The following DCUN1D3 variants were observed in gnomAD, a reference collection of about 807,000 sequenced individuals.
The protein encoded by DCUN1D3 is DCN1-like protein 3.
DCUN1D3 carries 6 observed loss-of-function variants against 24.8 expected under a neutral mutation model. That is an observed-to-expected ratio of 0.24 (90% CI 0.13 to 0.48). The LOEUF is 0.48. DCUN1D3 is among the 20% of genes least tolerant of loss of function. The probability of loss-of-function intolerance (pLI) is 0.99; values close to 1 mark genes in which losing one functional copy is unlikely to be tolerated. For synonymous variants in DCUN1D3, 120 were observed against 144.9 expected, an observed-to-expected ratio of 0.83 and a Z score of 1.24; for missense variants, 258 against 379.4, an observed-to-expected ratio of 0.68 and a Z score of 2.66.
At position 20,887,465 on chromosome 16, in the gene DCUN1D3, C is replaced by G. The variant is rs927281136; in HGVS notation, c.-106+12739G>C. 4.6e-5 allele frequency among the ~76,000 whole-genome samples: 7 copies of G among 152,182 alleles called. No homozygotes were observed. In the East Asian group the frequency reaches 7.7e-4, roughly 17 times the overall value. Reference sequence around the variant, plus strand: ...GTAACCAAAGCCACACTTTGAGAAACAGTGATTTAGTCCTAAATCCTTTAT... The same window carrying G: ...GTAACCAAAGCCACACTTTGAGAAAGAGTGATTTAGTCCTAAATCCTTTAT... On this transcript the variant is annotated intron_variant, in intron 1 of 2. Coordinates refer to ENST00000324344, the MANE Select transcript of DCUN1D3 (RefSeq NM_173475.4).
chr16:20,862,094 T>C lies in DCUN1D3; in HGVS notation c.431+14A>G, dbSNP rs188647412. On this transcript the variant is annotated intron_variant, in intron 2 of 2. Coordinates refer to ENST00000324344, the MANE Select transcript of DCUN1D3 (RefSeq NM_173475.4). The stretch of plus-strand genomic sequence containing the variant: ...CCACTGCTCACCTGGTGACATAAAG[T>C]GTTTGTGACTAACCTGGTGAATTTG... The C allele has an allele frequency of 5.8e-5, 93 of 1,612,274 alleles. No homozygotes were observed. Among genetic ancestry groups the C allele is most frequent in the East Asian group, 2.5e-4 (11 of 44,870 alleles).
intron 1 of DCUN1D3, among the ~76,000 whole-genome samples, chr16:20,871,108 G>A (rs2081786261): frequency 6.6e-6 from 1 of 152,214 alleles, no homozygotes; most frequent in African/African-American, 2.4e-5. Context: ...ATGCACAGTT[G>A]CTGCTGCCAC....
At chr16:20,861,795 A>G (rs183173833) in intron 2 of DCUN1D3, among the ~76,000 whole-genome samples, 103 of 152,194 alleles carry the variant, frequency 6.8e-4, no homozygotes, top group Non-Finnish European at 1.2e-4. Flanking sequence ...CATAGCGTAC[A>G]CATTAGAACC....
intron 1 of DCUN1D3, among the ~76,000 whole-genome samples, chr16:20,887,943 G>A (rs1393526593): frequency 6.6e-6 from 1 of 152,194 alleles, no homozygotes; most frequent in East Asian, 1.9e-4. Context: ...GTTTCAGGAG[G>A]AAGATTTTCC....
chr16:20,871,248 C>T (rs2081786793), intron 1 of DCUN1D3, among the ~76,000 whole-genome samples: 1 of 152,168 alleles, frequency 6.6e-6, no homozygotes, highest in African/African-American at 2.4e-5. Context: ...TTTTAAAAGA[C>T]TTTTTGTCCT....
At chr16:20,861,085 C>A (rs1173434064) in intron 2 of DCUN1D3, among the ~76,000 whole-genome samples, 2 of 152,150 alleles carry the variant, frequency 1.3e-5, no homozygotes, top group Non-Finnish European at 2.9e-5. Context: ...TTATTCACAA[C>A]CCCGTGCTCT....
chr16:20,880,997 C>G (rs939266738), intron 1 of DCUN1D3, among the ~76,000 whole-genome samples: 1 of 152,076 alleles, frequency 6.6e-6, no homozygotes, highest in African/African-American at 2.4e-5. Context: ...AAACAGCATA[C>G]TCCGATAGAG....
intron 1 of DCUN1D3, among the ~76,000 whole-genome samples, chr16:20,876,112 G>A (rs1176466730): frequency 1.3e-5 from 2 of 151,882 alleles, no homozygotes; most frequent in Non-Finnish European, 1.5e-5. Context: ...GATTACAGGC[G>A]CATGCCACCA....
At chr16:20,898,176 G>C (rs890332211) in intron 1 of DCUN1D3, among the ~76,000 whole-genome samples, 1 of 152,186 alleles carries the variant, frequency 6.6e-6, no homozygotes, top group Non-Finnish European at 1.5e-5. Flanking sequence ...AACCTGGAAG[G>C]ATCTTCCCCT....
chr16:20,862,758 T>C (rs1033636047), intron 1 of DCUN1D3, 115 bp from the exon 2 acceptor site: 2 of 1,020,592 alleles, frequency 2.0e-6, no homozygotes, highest in Non-Finnish European at 2.7e-6. Flanking sequence ...CAACGAACCA[T>C]GGGAGAGACC....
intron 1 of DCUN1D3, among the ~76,000 whole-genome samples, chr16:20,871,968 G>A (rs369708229): frequency 6.6e-5 from 10 of 152,112 alleles, no homozygotes; most frequent in Middle Eastern, 3.2e-3. Flanking sequence ...TAATAAAAAC[G>A]GCATGCCTGC....
chr16:20,869,654 A>C lies in DCUN1D3; in HGVS notation c.-105-7011T>G, dbSNP rs149300610. ...GGGAGAGGGTTGATATGGTTGGCTC[A>C]TGTTATTAATGTATATTAATAACAA... On this transcript the variant is annotated intron_variant, in intron 1 of 2. Transcript: ENST00000324344. 7.0e-3 allele frequency among the ~76,000 whole-genome samples: 1,073 copies of C among 152,298 alleles called. 9 individuals carry two copies. The highest frequency in any genetic ancestry group is 0.012 in the Non-Finnish European group (826 of 68,014).
chr16:20,870,036 A>G (rs1439810500), intron 1 of DCUN1D3, among the ~76,000 whole-genome samples: 1 of 152,192 alleles, frequency 6.6e-6, no homozygotes, highest in Non-Finnish European at 1.5e-5. Flanking sequence ...ATACGCCCCC[A>G]GGAAGCCTTT....
At chr16:20,894,410 A>G (rs2081905927) in intron 1 of DCUN1D3, among the ~76,000 whole-genome samples, 1 of 152,204 alleles carries the variant, frequency 6.6e-6, no homozygotes, top group South Asian at 2.1e-4. Flanking sequence ...CCCACACTAT[A>G]CACTGCTGCT....
intron 1 of DCUN1D3, among the ~76,000 whole-genome samples, chr16:20,883,203 A>C (rs2081852931): frequency 6.6e-6 from 1 of 152,166 alleles, no homozygotes; most frequent in Non-Finnish European, 1.5e-5. Context: ...TCAGTACTTT[A>C]AAAGTGTGTT....
chr16:20,894,665 C>T (rs909227486), intron 1 of DCUN1D3, among the ~76,000 whole-genome samples: 5 of 152,160 alleles, frequency 3.3e-5, no homozygotes, highest in Non-Finnish European at 5.9e-5. Context: ...GGAAGGTAGA[C>T]GAAGTCATTG....
intron 1 of DCUN1D3, among the ~76,000 whole-genome samples, chr16:20,865,959 A>C (rs1195723288): frequency 6.6e-6 from 1 of 152,194 alleles, no homozygotes; most frequent in Non-Finnish European, 1.5e-5. Context: ...TACATGTCCA[A>C]ACATGCCCTC....
chr16:20,891,739 A>C (rs950653383), intron 1 of DCUN1D3, among the ~76,000 whole-genome samples: 2 of 152,222 alleles, frequency 1.3e-5, no homozygotes, highest in African/African-American at 2.4e-5. Flanking sequence ...CAAACCAGCC[A>C]CTGTGTCCCT....
At chr16:20,884,481 T>C (rs529051871) in intron 1 of DCUN1D3, among the ~76,000 whole-genome samples, 8 of 152,234 alleles carry the variant, frequency 5.3e-5, no homozygotes, top group East Asian at 1.9e-4. Flanking sequence ...CCACAGGAAA[T>C]AGGCTGTTCT....
Sources: allele counts gnomAD v4.1 joint callset (sites outside exome capture counted in the v4.1 genomes callset), GRCh38; gene constraint gnomAD v4.1.1; transcripts MANE v1.5; gene names NCBI Gene and HGNC (gene_info 2026-07-23, HGNC 2026-07-21).